The following PARN variants were observed in gnomAD, a reference collection of about 807,000 sequenced individuals.
PARN encodes the protein poly(A)-specific ribonuclease.
Under a neutral mutation model 102.8 loss-of-function variants are expected in PARN, and 71 were observed. That is an observed-to-expected ratio of 0.69 (90% CI 0.57 to 0.84). The LOEUF is 0.84. PARN is among the 40% of genes least tolerant of loss of function. The pLI, the probability that PARN is intolerant of heterozygous loss-of-function variation, is 0.00. For synonymous variants in PARN, 261 were observed against 252.9 expected (o/e 1.03, Z -0.30); for missense variants, 782 against 760.9 (o/e 1.03, Z -0.33).
At chr16:14,602,500 T>A (rs780745970) in intron 11 of PARN, among the ~76,000 whole-genome samples, 1 of 152,070 alleles carries the variant, frequency 6.6e-6, no homozygotes, top group East Asian at 1.9e-4. Flanking sequence ...CGAAACCTCA[T>A]CAGGTCAAAA....
chr16:14,494,260 T>C (rs1446790328), intron 21 of PARN, among the ~76,000 whole-genome samples: 2 of 152,214 alleles, frequency 1.3e-5, no homozygotes, highest in Non-Finnish European at 2.9e-5. Flanking sequence ...CATTCATTCA[T>C]GAACAAACTA....
chr16:14,585,458 G>A (rs557954269), intron 14 of PARN, among the ~76,000 whole-genome samples: 2 of 146,770 alleles, frequency 1.4e-5, no homozygotes, highest in South Asian at 2.2e-4. Context: ...CGAACACCAC[G>A]CCTATCCCTC....
chr16:14,619,652 C>T (rs1458254446), intron 5 of PARN, among the ~76,000 whole-genome samples: 1 of 151,722 alleles, frequency 6.6e-6, no homozygotes, highest in Non-Finnish European at 1.5e-5. Context: ...TCCCAACTAT[C>T]CCACAGGCTG....
intron 5 of PARN, among the ~76,000 whole-genome samples, chr16:14,622,064 G>A (rs936635059): frequency 2.6e-5 from 4 of 152,038 alleles, no homozygotes; most frequent in East Asian, 1.9e-4. Flanking sequence ...ATGGTGGCAC[G>A]CATCTGTAGA....
At chr16:14,542,438 C>A (rs1966847406) in intron 21 of PARN, among the ~76,000 whole-genome samples, 1 of 151,742 alleles carries the variant, frequency 6.6e-6, no homozygotes, top group Admixed American at 6.6e-5. Flanking sequence ...TCCACCATAG[C>A]CTCCCTAGTA....
intron 22 of PARN, among the ~76,000 whole-genome samples, chr16:14,460,039 A>G (rs990774001): frequency 1.3e-5 from 2 of 152,242 alleles, no homozygotes; most frequent in African/African-American, 4.8e-5. Flanking sequence ...AAACTGCTAA[A>G]AAACATGAGA....
At chr16:14,437,597 G>C (rs1037194843) in intron 23 of PARN, among the ~76,000 whole-genome samples, 35 of 152,322 alleles carry the variant, frequency 2.3e-4, no homozygotes, top group African/African-American at 8.4e-4. Flanking sequence ...CGAATGTGAG[G>C]GAAGTCAGGA....
Position 14,436,528 on chromosome 16 carries a change from T to C in PARN, c.*189A>G, listed in dbSNP as rs2151543807. 4 of 604,380 alleles carry C rather than the reference T, an allele frequency of 6.6e-6. No individual in the cohort carries two copies. The highest frequency in any genetic ancestry group is 8.9e-6 in the Non-Finnish European group (3 of 338,884). 37.4% of individuals were successfully genotyped at this position (604,380 alleles called of 1,614,324 possible). ...ATGAGTGTCAATGTCAACAGGCAGTTAGATTAAAAAGGGGAAAAAACCACA... is the reference window on the plus strand; with the variant it reads ...ATGAGTGTCAATGTCAACAGGCAGTCAGATTAAAAAGGGGAAAAAACCACA... On this transcript the variant is annotated 3_prime_UTR_variant, in exon 24 of 24. Transcript: ENST00000437198.
At chr16:14,563,674 G>C (rs935807363) in intron 18 of PARN, among the ~76,000 whole-genome samples, 12 of 150,208 alleles carry the variant, frequency 8.0e-5, no homozygotes, top group East Asian at 1.9e-4. Context: ...TGGCTGGAAT[G>C]ACAGGTGCAC....
At chr16:14,495,355 G>C (rs192375051) in intron 21 of PARN, among the ~76,000 whole-genome samples, 1 of 152,070 alleles carries the variant, frequency 6.6e-6, no homozygotes, top group Non-Finnish European at 1.5e-5. Flanking sequence ...ATGGTGGTGC[G>C]CACCTGTAGT....
intron 21 of PARN, among the ~76,000 whole-genome samples, chr16:14,537,403 C>A (rs1384027953): frequency 6.6e-6 from 1 of 152,124 alleles, no homozygotes; most frequent in Non-Finnish European, 1.5e-5. Flanking sequence ...AAATTAGAAA[C>A]AGAACTACCA....
intron 21 of PARN, among the ~76,000 whole-genome samples, chr16:14,532,257 A>G (rs1021747086): frequency 6.6e-6 from 1 of 151,022 alleles, no homozygotes. Flanking sequence ...GACAATAGTG[A>G]AGGGAAGGTC....
intron 18 of PARN, 141 bp from the exon 19 acceptor site, chr16:14,555,850 A>T (rs931319958): frequency 1.5e-5 from 7 of 477,028 alleles, no homozygotes; most frequent in Non-Finnish European, 2.6e-5. Flanking sequence ...ATATCACTCT[A>T]TTTGTAAAAT....
At chr16:14,604,579 T>C (rs1971072562) in intron 10 of PARN, among the ~76,000 whole-genome samples, 1 of 151,882 alleles carries the variant, frequency 6.6e-6, no homozygotes, top group Non-Finnish European at 1.5e-5. Context: ...TACAATTTTC[T>C]AGAGACAACT....
At chr16:14,437,434 C>T (rs1374755518) in intron 23 of PARN, among the ~76,000 whole-genome samples, 5 of 152,204 alleles carry the variant, frequency 3.3e-5, no homozygotes, top group Admixed American at 6.5e-5. Context: ...TTTCCAGCTT[C>T]GGTGAAGCTG....
Position 14,604,241 on chromosome 16 carries a change from G to A in PARN, c.703-15C>T, listed in dbSNP as rs1026718450. 4.1e-6 allele frequency: 6 copies of A among 1,471,964 alleles called. No individual in the cohort carries two copies. In the African/African-American group the frequency reaches 8.4e-5, roughly 21 times the overall value. 91.2% of individuals were successfully genotyped at this position (1,471,964 alleles called of 1,614,324 possible). On this transcript the variant is annotated splice_polypyrimidine_tract_variant and intron_variant, in intron 10 of 23. Transcript: ENST00000437198. ...TATCGCTCCTTCTAAAAGACATAAA[G>A]CAGATATACAATTTTCTTTTCTTTT...
In PARN at chr16:14,531,777, C is replaced by T. The variant is rs150625696; in HGVS notation, c.1480+20244G>A. ...GCAGCTCTATTTGGTTGACCAACTTCGTACTCAATACTTGGAAATTCTTTC... is the reference window on the plus strand; with the variant it reads ...GCAGCTCTATTTGGTTGACCAACTTTGTACTCAATACTTGGAAATTCTTTC... On this transcript the variant is annotated intron_variant, in intron 21 of 23. Transcript: ENST00000437198. Among the ~76,000 whole-genome samples, 10 of 152,122 alleles carry T rather than the reference C, an allele frequency of 6.6e-5. No homozygotes were observed. The East Asian group carries it at 1.4e-3, about 21-fold the overall frequency.
intron 22 of PARN, among the ~76,000 whole-genome samples, chr16:14,457,919 G>GGT (rs1418791642): frequency 2.7e-5 from 4 of 145,586 alleles, no homozygotes; most frequent in Admixed American, 7.1e-5. Flanking sequence ...TGTGTGTGGG[G>GGT]GTGTGTGTGT....
At chr16:14,564,222 T>C (rs1968283804) in intron 18 of PARN, among the ~76,000 whole-genome samples, 1 of 152,198 alleles carries the variant, frequency 6.6e-6, no homozygotes, top group Admixed American at 6.5e-5. Context: ...GTCAAAGCCC[T>C]TGTGTATATA....
Sources: gnomAD v4.1 joint callset for allele counts (sites outside exome capture counted in the v4.1 genomes callset) on GRCh38, gnomAD v4.1.1 for gene constraint, MANE v1.5 for transcripts, NCBI Gene and HGNC (gene_info 2026-07-23, HGNC 2026-07-21) for gene names.